ARMC9: variants seen among roughly 807,000 people sequenced by gnomAD.
The protein encoded by ARMC9 is armadillo repeat containing 9, also known as lisH domain-containing protein ARMC9.
A neutral mutation model predicts 107.0 loss-of-function variants in ARMC9; 94 were observed. The observed-to-expected ratio is 0.88, with a 90% CI of 0.74 to 1.04. The LOEUF (loss-of-function observed/expected upper bound fraction) is 1.04, where lower values mean the gene tolerates loss of function less well. ARMC9 is among the 50% of genes least tolerant of loss of function. The pLI is 0.00. For synonymous variants in ARMC9, 380 were observed against 396.9 expected (o/e 0.96, Z 0.51); for missense variants, 942 against 1,030.1 (o/e 0.91, Z 1.17).
intron 7 of ARMC9, among the ~76,000 whole-genome samples, chr2:231,234,733 A>C (rs556831322): frequency 6.6e-6 from 1 of 152,116 alleles, no homozygotes; most frequent in Non-Finnish European, 1.5e-5. Context: ...CCTCCTGAGT[A>C]GCTGGGATTA....
intron 8 of ARMC9, among the ~76,000 whole-genome samples, chr2:231,237,198 G>C (rs1297242466): frequency 1.3e-5 from 2 of 152,236 alleles, no homozygotes; most frequent in African/African-American, 4.8e-5. Flanking sequence ...GTGTGTGTGT[G>C]TGTGTGTGTA....
At chr2:231,236,857 A>T (rs2035759365) in intron 8 of ARMC9, among the ~76,000 whole-genome samples, 1 of 152,018 alleles carries the variant, frequency 6.6e-6, no homozygotes, top group South Asian at 2.1e-4. Flanking sequence ...GGCGGGAGGA[A>T]CTCTTGAACC....
chr2:231,222,152 T>C (rs553542516), intron 5 of ARMC9, among the ~76,000 whole-genome samples: 1 of 152,266 alleles, frequency 6.6e-6, no homozygotes. Context: ...TTTTCTTATT[T>C]AAGTCATTAA....
intron 6 of ARMC9, 125 bp downstream of exon 6, chr2:231,222,945 A>G (rs921987673): frequency 1.4e-5 from 8 of 579,138 alleles, no homozygotes; most frequent in African/African-American, 1.3e-4. Flanking sequence ...TGTTGCTTTC[A>G]TATTTACAAG....
intron 20 of ARMC9, among the ~76,000 whole-genome samples, chr2:231,333,504 A>C (rs543003108): frequency 2.6e-5 from 4 of 152,288 alleles, no homozygotes; most frequent in African/African-American, 9.6e-5. Flanking sequence ...AGCTGTTTAC[A>C]TTAGGTGGAG....
At chr2:231,219,297 G>A (rs2033866917) in intron 5 of ARMC9, among the ~76,000 whole-genome samples, 1 of 152,000 alleles carries the variant, frequency 6.6e-6, no homozygotes, top group Non-Finnish European at 1.5e-5. Context: ...TCTTCCATCT[G>A]GGATAGTCGT....
intron 7 of ARMC9, among the ~76,000 whole-genome samples, chr2:231,234,665 G>A (rs555980534): frequency 2.0e-5 from 3 of 151,982 alleles, no homozygotes; most frequent in Non-Finnish European, 4.4e-5. Flanking sequence ...GGACAGTGGC[G>A]CGATCTTGGC....
In ARMC9 at chr2:231,297,571, T is replaced by C. The variant is rs1055337737; in HGVS notation, c.1773+1318T>C. ...GGCTGTGTTCCTGTAAAACTATTTA[T>C]GGACGCTAAAAATTTGAATTTCATA... On this transcript the variant is annotated intron_variant, in intron 19 of 24. Transcript: ENST00000611582. This position sits in a 1 kb window ranked among gnomAD's most constrained non-coding sequence, Gnocchi z 4.2. 5.9e-5 allele frequency among the ~76,000 whole-genome samples: 9 copies of C among 152,252 alleles called. No homozygotes were observed. Among genetic ancestry groups the C allele is most frequent in the Admixed American group, 2.0e-4 (3 of 15,286 alleles).
intron 3 of ARMC9, among the ~76,000 whole-genome samples, chr2:231,213,072 A>G (rs1233367744): frequency 6.6e-6 from 1 of 152,100 alleles, no homozygotes; most frequent in Non-Finnish European, 1.5e-5. Flanking sequence ...ATACATTTCC[A>G]TTTTATGTTA....
intron 20 of ARMC9, among the ~76,000 whole-genome samples, chr2:231,337,549 A>C (rs1575127794): frequency 8.5e-6 from 1 of 117,172 alleles, no homozygotes; most frequent in African/African-American, 3.7e-5. Flanking sequence ...GGCTCACTGC[A>C]AGCTCCACCT....
intron 1 of ARMC9, 97 bp from the exon 2 acceptor site, chr2:231,206,101 G>A (rs1310647830): frequency 4.0e-6 from 3 of 743,074 alleles, no homozygotes; most frequent in Non-Finnish European, 7.1e-6. Context: ...GCGCATGGAT[G>A]TCTTTGGGGG....
At chr2:231,331,216 C>T (rs1031797742) in intron 19 of ARMC9, among the ~76,000 whole-genome samples, 1 of 152,200 alleles carries the variant, frequency 6.6e-6, no homozygotes, top group Non-Finnish European at 1.5e-5. Flanking sequence ...AGTCTGCTTT[C>T]ATCTCTCCAT....
intron 2 of ARMC9, among the ~76,000 whole-genome samples, chr2:231,206,738 T>C (rs764637635): frequency 1.6e-4 from 25 of 152,236 alleles, no homozygotes; most frequent in African/African-American, 2.4e-4. Flanking sequence ...GAGTATTTCA[T>C]TGAGTGGCTG....
At chr2:231,250,705 G>T (rs964630939) in intron 9 of ARMC9, among the ~76,000 whole-genome samples, 4 of 152,158 alleles carry the variant, frequency 2.6e-5, no homozygotes, top group African/African-American at 9.7e-5. Context: ...GGTGACTAAA[G>T]CCTTGCGGGG....
intron 12 of ARMC9, chr2:231,270,756 GTAAT>G (rs2039254733): frequency 1.5e-6 from 1 of 663,940 alleles, no homozygotes; most frequent in African/African-American, 1.8e-5. Context: ...AGGGCTTCGT[GTAAT>G]TAATTCATTT....
intron 9 of ARMC9, among the ~76,000 whole-genome samples, chr2:231,248,739 G>A (rs143666715): frequency 0.018 from 2,698 of 150,804 alleles, 36 homozygotes; most frequent in Non-Finnish European, 0.026. Flanking sequence ...CCCGGGAGGC[G>A]GAGGTTGCAG....
chr2:231,370,330 C>T (rs775281526), intron 24 of ARMC9, among the ~76,000 whole-genome samples: 2 of 152,204 alleles, frequency 1.3e-5, no homozygotes, highest in Non-Finnish European at 2.9e-5. Context: ...CATGAATCTT[C>T]CTTCCTATTA....
At position 231,370,069 on chromosome 2, in the gene ARMC9, G is replaced by A. The variant is rs772200631; in HGVS notation, c.2378G>A (p.Gly793Asp). 1 of 1,534,928 alleles carries A rather than the reference G, an allele frequency of 6.5e-7. No individual in the cohort carries two copies. The highest frequency in any genetic ancestry group is 1.2e-5 in the South Asian group (1 of 83,942). ...CTGGCCCCTCTGTTCTCTTCGTGTG[G>A]CCCCCAGCAGGCCAGCCGCCCCGGC... is the stretch of plus-strand genomic sequence containing the variant. ...SVLAPLFSSC[G>D]PQQASRPGST... The change falls in exon 24 of 25, where the codon GGC becomes GAC. Residue 793 changes from glycine (G) to aspartate (D), a missense_variant. Gly to Asp is a moderately conservative substitution (Grantham distance 94, BLOSUM62 -1). Coordinates refer to ENST00000611582, the MANE Select transcript of ARMC9 (RefSeq NM_001352754.2).
At chr2:231,206,132 A>G (rs111946699) in intron 1 of ARMC9, 66 bp from the exon 2 acceptor site, 2 of 995,666 alleles carry the variant, frequency 2.0e-6, no homozygotes, top group Non-Finnish European at 3.2e-6. Flanking sequence ...GCTCACCACA[A>G]CCACCTTTTT....
Sources: gnomAD v4.1 joint callset for allele counts (sites outside exome capture counted in the v4.1 genomes callset) on GRCh38, gnomAD v4.1.1 for gene constraint, Gnocchi (gnomAD v3.1) non-coding constraint, MANE v1.5 for transcripts, NCBI Gene and HGNC (gene_info 2026-07-23, HGNC 2026-07-21) for gene names.